CTNNA3: variants seen among roughly 807,000 people sequenced by gnomAD.
CTNNA3 encodes the protein catenin alpha 3.
CTNNA3 carries 76 observed loss-of-function variants against 95.7 expected under a neutral mutation model. The observed-to-expected ratio is 0.79, with a 90% CI of 0.66 to 0.96. CTNNA3 has a LOEUF of 0.96. Ranked by LOEUF, CTNNA3 falls within the 40% of genes least tolerant of loss-of-function variation. CTNNA3 has a pLI of 0.00. For synonymous variants in CTNNA3, 431 were observed against 374.4 expected (o/e 1.15, Z -1.74); for missense variants, 1,191 against 1,089.8 (o/e 1.09, Z -1.31).
intron 15 of CTNNA3, among the ~76,000 whole-genome samples, chr10:66,032,692 C>T (rs1418002784): frequency 2.0e-5 from 3 of 152,142 alleles, no homozygotes; most frequent in Non-Finnish European, 4.4e-5. Context: ...TAATTTATCA[C>T]ATCTAAAGCC....
At chr10:66,154,600 A>G (rs2084379304) in intron 13 of CTNNA3, among the ~76,000 whole-genome samples, 1 of 150,834 alleles carries the variant, frequency 6.6e-6, no homozygotes, top group Admixed American at 6.7e-5. Flanking sequence ...ACTCACAATG[A>G]CAGTGGCTTC....
intron 9 of CTNNA3, among the ~76,000 whole-genome samples, chr10:66,705,016 A>C (rs1194943900): frequency 6.6e-6 from 1 of 152,064 alleles, no homozygotes; most frequent in Non-Finnish European, 1.5e-5. Context: ...TTCTGCTCTA[A>C]TGATGTTTGC....
At position 67,736,098 on chromosome 10, in the gene CTNNA3, ATAT is replaced by A. The variant is rs1163584407; in HGVS notation, c.-2+27333_-2+27335del. Among the ~76,000 whole-genome samples, 41 of 152,208 alleles carry A rather than the reference ATAT, an allele frequency of 2.7e-4. 1 individual carries two copies. The highest frequency in any genetic ancestry group is 2.6e-3 in the Admixed American group (40 of 15,274). ...AAATGTGGTATATACATACAATGAA[ATAT>A]TATTTAGCCAAAAAAAGAATTAAAT... On this transcript the variant is annotated intron_variant, in intron 1 of 17. Coordinates refer to the CTNNA3 transcript ENST00000684154.
chr10:67,562,107 G>A (rs533862696), intron 3 of CTNNA3, among the ~76,000 whole-genome samples: 2 of 152,104 alleles, frequency 1.3e-5, no homozygotes, highest in African/African-American at 4.8e-5. Flanking sequence ...CCAATCAATA[G>A]AAAAAGAGGG....
intron 7 of CTNNA3, among the ~76,000 whole-genome samples, chr10:67,061,203 T>C (rs1855738136): frequency 6.6e-6 from 1 of 152,174 alleles, no homozygotes; most frequent in African/African-American, 2.4e-5. Context: ...TATTAATAAC[T>C]ACCAAGACTC....
intron 5 of CTNNA3, among the ~76,000 whole-genome samples, chr10:67,351,125 C>CTAGA (rs3057683): frequency 0.89 from 134,521 of 151,468 alleles, 60,837 homozygotes; most frequent in East Asian, 1. Context: ...ACTCAAAAGG[C>CTAGA]TATAGTATGA....
chr10:66,353,727 G>A (rs1462820970), intron 12 of CTNNA3, among the ~76,000 whole-genome samples: 1 of 151,760 alleles, frequency 6.6e-6, no homozygotes, highest in African/African-American at 2.4e-5. Context: ...AGGAGTTGAT[G>A]TAGAAAAAAA....
intron 3 of CTNNA3, among the ~76,000 whole-genome samples, chr10:67,593,686 G>A (rs185656522): frequency 6.6e-6 from 1 of 152,178 alleles, no homozygotes; most frequent in African/African-American, 2.4e-5. Context: ...CTAAGTATAG[G>A]CTTAAATCGT....
At chr10:67,151,901 A>G (rs778002359) in intron 7 of CTNNA3, among the ~76,000 whole-genome samples, 7 of 152,202 alleles carry the variant, frequency 4.6e-5, no homozygotes, top group Non-Finnish European at 7.3e-5. Context: ...AGGGGATAAC[A>G]TGCTGTGTCA....
intron 7 of CTNNA3, among the ~76,000 whole-genome samples, chr10:66,859,151 G>T (rs1324546564): frequency 6.6e-6 from 1 of 152,036 alleles, no homozygotes; most frequent in African/African-American, 2.4e-5. Flanking sequence ...GAGGAATATG[G>T]AGACTGAGGA....
intron 11 of CTNNA3, among the ~76,000 whole-genome samples, chr10:66,418,783 A>T (rs1261741337): frequency 6.6e-6 from 1 of 152,058 alleles, no homozygotes; most frequent in African/African-American, 2.4e-5. Flanking sequence ...TCATATGCTC[A>T]TCTTATAGAC....
At chr10:66,129,332 G>A (rs555599980) in intron 13 of CTNNA3, among the ~76,000 whole-genome samples, 1 of 152,254 alleles carries the variant, frequency 6.6e-6, no homozygotes, top group South Asian at 2.1e-4. Context: ...CTCACATTGG[G>A]CCTCTGGAAT....
intron 17 of CTNNA3, among the ~76,000 whole-genome samples, chr10:65,936,368 A>T (rs1286977096): frequency 1.3e-5 from 2 of 152,128 alleles, no homozygotes; most frequent in African/African-American, 4.8e-5. Context: ...GAAATAATAC[A>T]GTAGTTGTTG....
chr10:66,836,738 T>A (rs1178749397), intron 7 of CTNNA3, among the ~76,000 whole-genome samples: 1 of 152,090 alleles, frequency 6.6e-6, no homozygotes, highest in Non-Finnish European at 1.5e-5. Flanking sequence ...AAATTTTAAA[T>A]AAGTTCCAAT....
At chr10:66,845,006 A>G (rs1222438476) in intron 7 of CTNNA3, among the ~76,000 whole-genome samples, 1 of 152,200 alleles carries the variant, frequency 6.6e-6, no homozygotes, top group African/African-American at 2.4e-5. Flanking sequence ...TTTATTTTGT[A>G]GGACCACAAA....
At chr10:66,851,505 CA>C (rs1028514477) in intron 7 of CTNNA3, among the ~76,000 whole-genome samples, 2 of 151,986 alleles carry the variant, frequency 1.3e-5, no homozygotes, top group African/African-American at 4.8e-5. Flanking sequence ...GTGGTTGGAT[CA>C]GGGGGGTGGT....
intron 7 of CTNNA3, among the ~76,000 whole-genome samples, chr10:66,859,855 T>C (rs1452176688): frequency 3.0e-5 from 4 of 131,378 alleles, no homozygotes; most frequent in African/African-American, 1.2e-4. Flanking sequence ...GATGAGTTCA[T>C]GTCCTTTGTA....
At chr10:66,909,902 T>C (rs896702429) in intron 7 of CTNNA3, among the ~76,000 whole-genome samples, 19 of 152,178 alleles carry the variant, frequency 1.2e-4, no homozygotes, top group African/African-American at 4.6e-4. Context: ...TGAGTATCCA[T>C]TATCTGTTAA....
chr10:66,919,900 AAC>A (rs1846699528), intron 7 of CTNNA3, among the ~76,000 whole-genome samples: 1 of 152,220 alleles, frequency 6.6e-6, no homozygotes, highest in Non-Finnish European at 1.5e-5. Context: ...TTGGGTCACA[AAC>A]ATTAAACTCT....
Sources: gnomAD v4.1 joint callset for allele counts (sites outside exome capture counted in the v4.1 genomes callset) on GRCh38, gnomAD v4.1.1 for gene constraint, MANE v1.5 for transcripts, NCBI Gene and HGNC (gene_info 2026-07-23, HGNC 2026-07-21) for gene names.